The following MIS18A variants were observed in gnomAD, a reference collection of about 807,000 sequenced individuals.
The protein encoded by MIS18A is protein Mis18-alpha.
In MIS18A, 14 loss-of-function variants were observed where a neutral mutation model predicts 25.0. The ratio of observed to expected loss-of-function variants is 0.56; its 90% confidence interval spans 0.37 to 0.88. The LOEUF is 0.88. MIS18A is among the 40% of genes least tolerant of loss of function. MIS18A has a pLI of 0.00. For synonymous variants in MIS18A, 134 were observed against 118.6 expected, an observed-to-expected ratio of 1.13 and a Z score of -0.84; for missense variants, 292 against 290.8, an observed-to-expected ratio of 1.00 and a Z score of -0.03.
intron 4 of MIS18A, 79 bp from the exon 5 acceptor site, chr21:32,269,196 A>G (rs983325021): frequency 9.6e-7 from 1 of 1,040,628 alleles, no homozygotes; most frequent in Non-Finnish European, 1.4e-6. Flanking sequence ...TAATTAAGAT[A>G]TACACTTAAT....
chr21:32,252,873 T>A, the MIS18A span, among the ~76,000 whole-genome samples: 1 of 152,218 alleles, frequency 6.6e-6, no homozygotes, highest in African/African-American at 2.4e-5. Flanking sequence ...AATTTCTGCA[T>A]CGTTGGCAGA....
At chr21:32,270,606 T>C (rs2031696742) in intron 2 of MIS18A, 77 bp from the exon 3 acceptor site, 1 of 1,423,482 alleles carries the variant, frequency 7.0e-7, no homozygotes, top group Admixed American at 2.7e-5. Context: ...TTAAAATCCA[T>C]AAACACCTCA....
chr21:32,274,937 C>T (rs1382248139), intron 1 of MIS18A, 41 bp from the exon 2 acceptor site: 6 of 1,496,630 alleles, frequency 4.0e-6, no homozygotes, highest in South Asian at 1.2e-5. Flanking sequence ...TAATGTAGTT[C>T]GTTATAACAT....
Position 32,278,730 on chromosome 21 carries a change from C to A in MIS18A, c.285G>T (p.Ser95=). 1 of 1,581,460 alleles carries A rather than the reference C, an allele frequency of 6.3e-7. No individual in the cohort carries two copies. ...CCTCCTGGCTGGCCACCCAGCTCAGCGAGTCGCCCAGCGGCCGCCGGCAGC... is the reference window on the plus strand; with the variant it reads ...CCTCCTGGCTGGCCACCCAGCTCAGAGAGTCGCCCAGCGGCCGCCGGCAGC... The part of the protein sequence containing the change: ...CSGCRRPLGD[S]LSWVASQEDT... Residue 95 remains serine, a synonymous_variant, in exon 1 of 5, where the codon TCG becomes TCT. Transcript: ENST00000290130.
the MIS18A span, among the ~76,000 whole-genome samples, chr21:32,242,777 T>C: frequency 2.6e-5 from 4 of 152,208 alleles, no homozygotes; most frequent in Non-Finnish European, 4.4e-5. Context: ...GGGACTCTGA[T>C]GGATGGACAG....
chr21:32,237,624 T>C, the MIS18A span, among the ~76,000 whole-genome samples: 3 of 152,222 alleles, frequency 2.0e-5, no homozygotes, highest in African/African-American at 7.2e-5. Context: ...TAACTGGTAT[T>C]TGAAACAACT....
the MIS18A span, among the ~76,000 whole-genome samples, chr21:32,176,432 T>A: frequency 1.3e-5 from 2 of 152,200 alleles, no homozygotes. Context: ...TGTTATTATG[T>A]GGTGCACAAC....
the MIS18A span, among the ~76,000 whole-genome samples, chr21:32,198,660 T>G: frequency 6.6e-6 from 1 of 152,220 alleles, no homozygotes; most frequent in Non-Finnish European, 1.5e-5. Context: ...GAGGAGGCCC[T>G]GGCTGCTGCC....
chr21:32,161,746 C>T, the MIS18A span, among the ~76,000 whole-genome samples: 1 of 149,560 alleles, frequency 6.7e-6, no homozygotes, highest in East Asian at 1.9e-4. Context: ...CCCACCTTGG[C>T]CTCCCAAAGT....
chr21:32,180,707 C>A, the MIS18A span, among the ~76,000 whole-genome samples: 1 of 152,170 alleles, frequency 6.6e-6, no homozygotes, highest in Non-Finnish European at 1.5e-5. Flanking sequence ...AATCCTGGTC[C>A]TCCATATCCT....
chr21:32,189,893 C>T, the MIS18A span, among the ~76,000 whole-genome samples: 1 of 152,184 alleles, frequency 6.6e-6, no homozygotes, highest in Non-Finnish European at 1.5e-5. Context: ...CCTGGAGCAA[C>T]GTCTTTTCCT....
At chr21:32,207,640 G>A in the MIS18A span, among the ~76,000 whole-genome samples, 6 of 152,208 alleles carry the variant, frequency 3.9e-5, no homozygotes, top group African/African-American at 1.4e-4. Context: ...CATAAATGGG[G>A]AAACAGATTG....
chr21:32,246,704 G>A, the MIS18A span, among the ~76,000 whole-genome samples: 1 of 152,076 alleles, frequency 6.6e-6, no homozygotes, highest in African/African-American at 2.4e-5. Flanking sequence ...CTGGAGTCCT[G>A]ACAGACCCTT....
chr21:32,265,048 G>C (rs1391271203), downstream of MIS18A, among the ~76,000 whole-genome samples: 1 of 152,252 alleles, frequency 6.6e-6, no homozygotes, highest in Admixed American at 6.5e-5. Flanking sequence ...GAACTAGGGA[G>C]TGCCCTTTAT....
At chr21:32,250,033 A>T in the MIS18A span, among the ~76,000 whole-genome samples, 1 of 152,100 alleles carries the variant, frequency 6.6e-6, no homozygotes, top group Non-Finnish European at 1.5e-5. Context: ...GAGAGAAAGG[A>T]GCAGCCAGAA....
the MIS18A span, among the ~76,000 whole-genome samples, chr21:32,221,150 G>A: frequency 3.9e-5 from 6 of 152,066 alleles, no homozygotes; most frequent in Non-Finnish European, 7.4e-5. Flanking sequence ...GATACTCCTC[G>A]AGAAGAGCAA....
the MIS18A span, among the ~76,000 whole-genome samples, chr21:32,218,582 T>C: frequency 1.3e-5 from 2 of 152,154 alleles, no homozygotes; most frequent in African/African-American, 2.4e-5. Context: ...TTAAGTTAGG[T>C]TGTTATGAAT....
chr21:32,265,415 C>T (rs148399306), downstream of MIS18A, among the ~76,000 whole-genome samples: 2,136 of 152,318 alleles, frequency 0.014, 42 homozygotes, highest in African/African-American at 0.048. Flanking sequence ...TAGTGGGCCC[C>T]GCACTTGGAG....
the MIS18A span, among the ~76,000 whole-genome samples, chr21:32,210,552 C>T: frequency 6.6e-6 from 1 of 152,176 alleles, no homozygotes; most frequent in Non-Finnish European, 1.5e-5. Context: ...AATGTGCCTC[C>T]TCCCCATTGC....
Sources: gnomAD v4.1 joint callset for allele counts (sites outside exome capture counted in the v4.1 genomes callset) on GRCh38, gnomAD v4.1.1 for gene constraint, MANE v1.5 for transcripts, NCBI Gene and HGNC (gene_info 2026-07-23, HGNC 2026-07-21) for gene names.